RAB28: variants seen among roughly 807,000 people sequenced by gnomAD.
RAB28 encodes the protein RAB28, member RAS oncogene family.
Under a neutral mutation model 31.7 loss-of-function variants are expected in RAB28, and 24 were observed. The observed-to-expected ratio is 0.76, with a 90% confidence interval of 0.55 to 1.06. The LOEUF (loss-of-function observed/expected upper bound fraction) is 1.06. Among genes scored for constraint, RAB28 ranks in the 50% least tolerant of loss-of-function variants. The pLI is 0.00. For synonymous variants in RAB28, 100 were observed against 90.4 expected, an observed-to-expected ratio of 1.11 and a Z score of -0.60; for missense variants, 254 against 258.5, an observed-to-expected ratio of 0.98 and a Z score of 0.12.
intron 4 of RAB28, among the ~76,000 whole-genome samples, chr4:13,416,528 G>A (rs1245387269): frequency 6.6e-6 from 1 of 152,112 alleles, no homozygotes; most frequent in African/African-American, 2.4e-5. Flanking sequence ...TAAATTCTAA[G>A]AGAATAGAAA....
At chr4:13,444,113 C>T (rs376401927) in intron 4 of RAB28, among the ~76,000 whole-genome samples, 24 of 151,576 alleles carry the variant, frequency 1.6e-4, no homozygotes, top group African/African-American at 4.1e-4. Context: ...CTGCAAGCTC[C>T]GCCTCCCGGG....
chr4:13,371,135 A>AT, intron 6 of RAB28: 1 of 985,356 alleles, frequency 1.0e-6, no homozygotes, highest in Non-Finnish European at 1.2e-6. Flanking sequence ...GAGTAAATGA[A>AT]TAGGATGCTG....
chr4:13,392,768 ATAAG>A (rs956441690), intron 4 of RAB28, among the ~76,000 whole-genome samples: 3 of 152,222 alleles, frequency 2.0e-5, no homozygotes, highest in Non-Finnish European at 4.4e-5. Flanking sequence ...CAAAAAAATG[ATAAG>A]TATGTGAGGA....
At chr4:13,378,607 G>A (rs891470453) in intron 5 of RAB28, among the ~76,000 whole-genome samples, 1 of 152,066 alleles carries the variant, frequency 6.6e-6, no homozygotes, top group African/African-American at 2.4e-5. Flanking sequence ...AATCCAGTAG[G>A]TGGAAAAAAA....
intron 5 of RAB28, among the ~76,000 whole-genome samples, chr4:13,378,056 T>C (rs1256312123): frequency 2.0e-5 from 3 of 152,086 alleles, no homozygotes; most frequent in Admixed American, 6.6e-5. Flanking sequence ...GAGCGGGCAG[T>C]TGGATATAAG....
At chr4:13,435,017 C>CAAAAAAAA (rs991889676) in intron 4 of RAB28, among the ~76,000 whole-genome samples, 4 of 47,004 alleles carry the variant, frequency 8.5e-5, no homozygotes, top group African/African-American at 2.9e-4. Context: ...GACTCCGTCT[C>CAAAAAAAA]AAAAAAAAAA....
intron 4 of RAB28, among the ~76,000 whole-genome samples, chr4:13,429,828 C>A (rs1373526004): frequency 1.3e-5 from 2 of 152,172 alleles, no homozygotes; most frequent in Non-Finnish European, 2.9e-5. Context: ...TCGAAACAAT[C>A]TGAAAAAGAA....
At chr4:13,386,194 A>G (rs1245274551) in intron 4 of RAB28, among the ~76,000 whole-genome samples, 1 of 151,976 alleles carries the variant, frequency 6.6e-6, no homozygotes, top group Non-Finnish European at 1.5e-5. Context: ...TGGACATAGG[A>G]ACAGGCAGAT....
Position 13,367,961 on chromosome 4 carries a change from T to G in RAB28, c.*597A>C. On this transcript the variant is annotated 3_prime_UTR_variant, in exon 7 of 7. Transcript: ENST00000330852. Reference sequence around the variant, plus strand: ...CAATATCAAATATTACTTTGTGAGTTACAAACTACAATATAAACAATTTAG... The same window carrying G: ...CAATATCAAATATTACTTTGTGAGTGACAAACTACAATATAAACAATTTAG... 1 of 973,256 alleles carries G rather than the reference T, an allele frequency of 1.0e-6. No individual in the cohort carries two copies. Among genetic ancestry groups the G allele is most frequent in the Non-Finnish European group, 1.2e-6 (1 of 818,968 alleles). 60.3% of individuals were successfully genotyped at this position (973,256 alleles called of 1,614,324 possible).
intron 4 of RAB28, among the ~76,000 whole-genome samples, chr4:13,402,570 C>T (rs1295974171): frequency 6.6e-6 from 1 of 152,116 alleles, no homozygotes; most frequent in Non-Finnish European, 1.5e-5. Flanking sequence ...TTAGTCTTTG[C>T]AAAATATACC....
At position 13,460,767 on chromosome 4, in the gene RAB28, T is replaced by C; in HGVS notation, c.323A>G (p.Tyr108Cys). The C allele has an allele frequency of 6.2e-7, 1 of 1,613,974 alleles. No individual in the cohort carries two copies. The highest frequency in any genetic ancestry group is 8.5e-7 in the Non-Finnish European group (1 of 1,179,896). The change falls in exon 4 of 7, where the codon TAT becomes TGT. Residue 108 changes from tyrosine to cysteine, a missense_variant. Physicochemically the swap from Tyr to Cys is radical, Grantham distance 194. Coordinates refer to ENST00000330852, the MANE Select transcript of RAB28 (RefSeq NM_001017979.3). ...CTCGCTCACTTTCTTCACCACAGTA[T>C]ACCAATCTTCTAAATTCTCAAAGCT... ...YQSFENLEDW[Y>C]TVVKKVSEES...
Position 13,376,203 on chromosome 4 carries a change from T to A in RAB28, c.573+342A>T, listed in dbSNP as rs181643084. On this transcript the variant is annotated intron_variant, in intron 6 of 6. Coordinates refer to ENST00000330852, the MANE Select transcript of RAB28 (RefSeq NM_001017979.3). ...ACTAATATCACTACAGTCAAGGATGTTTTAAAATTGAATAGAGGCTCCAAA... is the reference window on the plus strand; with the variant it reads ...ACTAATATCACTACAGTCAAGGATGATTTAAAATTGAATAGAGGCTCCAAA... Among the ~76,000 whole-genome samples the A allele has an allele frequency of 7.2e-5, 11 of 152,164 alleles. No homozygotes were observed. The East Asian group carries it at 2.1e-3, about 29-fold the overall frequency.
intron 5 of RAB28, among the ~76,000 whole-genome samples, chr4:13,379,456 GA>G (rs1217828409): frequency 6.6e-6 from 1 of 152,088 alleles, no homozygotes; most frequent in African/African-American, 2.4e-5. Context: ...ATGAAAGAGG[GA>G]AAAGGGAACT....
intron 4 of RAB28, among the ~76,000 whole-genome samples, chr4:13,412,020 C>CAAA (rs1326578822): frequency 3.3e-3 from 393 of 120,010 alleles, no homozygotes; most frequent in African/African-American, 0.011. Flanking sequence ...ATTCAAAAGT[C>CAAA]AAAAAAAAAA....
At chr4:13,407,541 G>C (rs973024431) in intron 4 of RAB28, among the ~76,000 whole-genome samples, 2 of 152,120 alleles carry the variant, frequency 1.3e-5, no homozygotes, top group African/African-American at 4.8e-5. Flanking sequence ...CTAATTCTGT[G>C]AAGAAAGTCA....
intron 4 of RAB28, 147 bp downstream of exon 4, chr4:13,460,552 A>C: frequency 1.1e-6 from 1 of 942,278 alleles, no homozygotes; most frequent in Non-Finnish European, 1.6e-6. Flanking sequence ...TCATGACCTA[A>C]TTACCTCCCA....
rs146902104 is a variant in RAB28 at position 13,409,164 on chromosome 4, A to G, written c.392-27570T>C. On this transcript the variant is annotated intron_variant, in intron 4 of 6. Transcript: ENST00000330852. The stretch of plus-strand genomic sequence containing the variant: ...AGTATGCCTACAAACAATTCTGCCT[A>G]TTTCGAACAAATCCAAGTCACCCTC... Among the ~76,000 whole-genome samples, 152 of 152,258 alleles carry G rather than the reference A, an allele frequency of 1.0e-3. 1 individual carries two copies. Among genetic ancestry groups the G allele is most frequent in the African/African-American group, 3.5e-3 (147 of 41,562 alleles).
At chr4:13,418,118 A>G (rs961344456) in intron 4 of RAB28, among the ~76,000 whole-genome samples, 1 of 152,234 alleles carries the variant, frequency 6.6e-6, no homozygotes, top group Non-Finnish European at 1.5e-5. Flanking sequence ...ACAAACTTCA[A>G]CAGCTGATTC....
rs149195251 is a variant in RAB28 at position 13,375,327 on chromosome 4, G to A, written c.573+1218C>T. Among the ~76,000 whole-genome samples, 526 of 152,228 alleles carry A rather than the reference G, an allele frequency of 3.5e-3. 6 individuals are homozygous for A. Among genetic ancestry groups the A allele is most frequent in the African/African-American group, 0.012 (488 of 41,544 alleles). ...ATTAATTTTCTTTACTAAAAGCAGG[G>A]ACATTTTAAAGTCTTTTAATTCTTT... On this transcript the variant is annotated intron_variant, in intron 6 of 6. Transcript: ENST00000330852.
Sources: gnomAD v4.1 joint callset for allele counts (sites outside exome capture counted in the v4.1 genomes callset) on GRCh38, gnomAD v4.1.1 for gene constraint, MANE v1.5 for transcripts, NCBI Gene and HGNC (gene_info 2026-07-23, HGNC 2026-07-21) for gene names.